FNDC3B: variants seen among roughly 807,000 people sequenced by gnomAD.
FNDC3B encodes fibronectin type III domain containing 3B, also known as fibronectin type III domain-containing protein 3B.
In FNDC3B, 12 loss-of-function variants were observed where a neutral mutation model predicts 151.5. That is an observed-to-expected ratio of 0.08 (90% CI 0.05 to 0.13). The LOEUF is 0.13. FNDC3B is among the 10% of genes least tolerant of loss of function. The probability of loss-of-function intolerance (pLI) is 1.00; values close to 1 mark genes in which losing one functional copy is unlikely to be tolerated. For missense variants in FNDC3B, 1,214 were observed against 1,505.3 expected (o/e 0.81, Z 3.20); for synonymous variants, 528 against 549.0 (o/e 0.96, Z 0.54).
rs961974987 is a variant in FNDC3B at position 172,231,917 on chromosome 3, G to A, written c.264+4970G>A. Among the ~76,000 whole-genome samples, 24 of 122,028 alleles carry A rather than the reference G, an allele frequency of 2.0e-4. 1 individual carries two copies. The highest frequency in any genetic ancestry group is 7.5e-4 in the African/African-American group (24 of 31,830). 80.1% of individuals were successfully genotyped at this position (122,028 alleles called of 152,430 possible). On this transcript the variant is annotated intron_variant, in intron 4 of 25. Coordinates refer to ENST00000415807, the MANE Select transcript of FNDC3B (RefSeq NM_022763.4). ...TTTTTTTGAGATGGAGTCTTGCTCTGACGCCCAGGCTGGTGTGCAGTGGCA... is the reference window on the plus strand; with the variant it reads ...TTTTTTTGAGATGGAGTCTTGCTCTAACGCCCAGGCTGGTGTGCAGTGGCA...
At chr3:172,186,876 A>T (rs1024937230) in intron 3 of FNDC3B, 5 of 583,138 alleles carry the variant, frequency 8.6e-6, no homozygotes, top group African/African-American at 1.9e-5. Context: ...AGTGGCCCAC[A>T]GTCAGTTCTG....
chr3:172,292,785 C>T (rs763791262), intron 7 of FNDC3B, among the ~76,000 whole-genome samples: 12 of 152,084 alleles, frequency 7.9e-5, no homozygotes, highest in Non-Finnish European at 1.5e-4. Context: ...TACCCAATAC[C>T]TCAGGATTAC....
At chr3:172,201,420 G>A (rs1381492458) in intron 3 of FNDC3B, among the ~76,000 whole-genome samples, 3 of 152,072 alleles carry the variant, frequency 2.0e-5, no homozygotes, top group South Asian at 2.1e-4. Context: ...TGGGATATGC[G>A]TGCGTACGTG....
chr3:172,313,308 A>G (rs1461446772), intron 11 of FNDC3B, among the ~76,000 whole-genome samples: 2 of 152,200 alleles, frequency 1.3e-5, no homozygotes, highest in African/African-American at 4.8e-5. Flanking sequence ...TTGAAGGAAC[A>G]CCAAGATTAG....
At chr3:172,235,826 G>C (rs75151797) in intron 4 of FNDC3B, among the ~76,000 whole-genome samples, 19,296 of 152,222 alleles carry the variant, frequency 0.13, 1,279 homozygotes, top group Middle Eastern at 0.21. Flanking sequence ...TGCCTGTTGG[G>C]TTAAGTCTGG....
At chr3:172,171,485 C>G (rs1016593540) in intron 3 of FNDC3B, among the ~76,000 whole-genome samples, 20 of 151,982 alleles carry the variant, frequency 1.3e-4, no homozygotes, top group African/African-American at 4.6e-4. Context: ...TTAAAACTCT[C>G]TTTGCACACT....
chr3:172,379,441 G>C (rs1735320705), intron 24 of FNDC3B, among the ~76,000 whole-genome samples: 1 of 152,258 alleles, frequency 6.6e-6, no homozygotes, highest in Non-Finnish European at 1.5e-5. Flanking sequence ...TCAATTATAG[G>C]AACTTTCCAG....
rs953684281 is a variant in FNDC3B, at chr3:172,397,512, A to G, written c.*37A>G. 1.5e-6 allele frequency: 2 copies of G among 1,296,358 alleles called. No homozygotes were observed. The highest frequency in any genetic ancestry group is 2.1e-6 in the Non-Finnish European group (2 of 937,332). 80.3% of individuals were successfully genotyped at this position (1,296,358 alleles called of 1,614,324 possible). A position where few individuals can be genotyped will look rare whatever the true frequency, so the allele number is the denominator to read the frequency against. On this transcript the variant is annotated 3_prime_UTR_variant, in exon 26 of 26. Coordinates refer to ENST00000415807, the MANE Select transcript of FNDC3B (RefSeq NM_022763.4). ...CTAGAGGTATGAATTAATGCTACAC[A>G]TTTTAATACACACATTTATTCAGAT...
At position 172,344,307 on chromosome 3, in the gene FNDC3B, A is replaced by G. The variant is rs1376438714; in HGVS notation, c.2250+49A>G. ...AACCAGAATCAGAATGCATAATCAG[A>G]ACCCAAAGTGCTAGCACTTCTGTCT... On this transcript the variant is annotated intron_variant, in intron 19 of 25. Transcript: ENST00000415807. 3.3e-6 allele frequency: 5 copies of G among 1,530,280 alleles called. No homozygotes were observed. The African/African-American group carries it at 6.9e-5, about 21-fold the overall frequency. The allele number at this position is 1,530,280 out of a possible 1,614,324, so 94.8% of individuals were successfully genotyped here. A position where few individuals can be genotyped will look rare whatever the true frequency, so the allele number is the denominator to read the frequency against.
chr3:172,383,101 G>C (rs1330564815), intron 25 of FNDC3B, among the ~76,000 whole-genome samples: 2 of 152,184 alleles, frequency 1.3e-5, no homozygotes, highest in Non-Finnish European at 2.9e-5. Flanking sequence ...CTATCCACGA[G>C]CATGGAATGT....
At chr3:172,084,887 C>T (rs1245126528) in intron 1 of FNDC3B, among the ~76,000 whole-genome samples, 1 of 152,114 alleles carries the variant, frequency 6.6e-6, no homozygotes, top group Non-Finnish European at 1.5e-5. Flanking sequence ...TTCATTGTTT[C>T]TTTCCCCTTA....
At chr3:172,088,070 T>C (rs1453086349) in intron 1 of FNDC3B, among the ~76,000 whole-genome samples, 1 of 152,186 alleles carries the variant, frequency 6.6e-6, no homozygotes, top group Non-Finnish European at 1.5e-5. Context: ...TGCCACATCT[T>C]GTTCCTGGAA....
chr3:172,146,181 G>C (rs1721901223), intron 3 of FNDC3B, among the ~76,000 whole-genome samples: 1 of 152,178 alleles, frequency 6.6e-6, no homozygotes, highest in Admixed American at 6.5e-5. Context: ...CCATGAGTTA[G>C]AAATCAAGAT....
At chr3:172,207,551 G>C (rs1725493802) in intron 3 of FNDC3B, among the ~76,000 whole-genome samples, 1 of 152,144 alleles carries the variant, frequency 6.6e-6, no homozygotes, top group Non-Finnish European at 1.5e-5. Flanking sequence ...TTTTATTGAG[G>C]TTTACCTGGG....
Position 172,399,905 on chromosome 3 carries a change from A to G in FNDC3B, c.*2430A>G, listed in dbSNP as rs747659289. ...AATATTTGATCTTCTTGAGATTTTC[A>G]TACTATCATTTAACCACCAGGAAGC... On this transcript the variant is annotated 3_prime_UTR_variant, in exon 26 of 26. Coordinates refer to ENST00000415807, the MANE Select transcript of FNDC3B (RefSeq NM_022763.4). 2 of 152,604 alleles carry G rather than the reference A, an allele frequency of 1.3e-5. No individual in the cohort carries two copies. Among genetic ancestry groups the G allele is most frequent in the African/African-American group, 2.4e-5 (1 of 41,438 alleles). 9.5% of individuals were successfully genotyped at this position (152,604 alleles called of 1,614,324 possible).
chr3:172,179,829 G>A (rs1373705531), intron 3 of FNDC3B, among the ~76,000 whole-genome samples: 7 of 127,742 alleles, frequency 5.5e-5, no homozygotes, highest in African/African-American at 2.2e-4. Context: ...CTGCACTCCA[G>A]CCCAGGCAAC....
At chr3:172,383,507 G>A (rs140330885) in intron 25 of FNDC3B, among the ~76,000 whole-genome samples, 172 of 152,298 alleles carry the variant, frequency 1.1e-3, no homozygotes, top group Middle Eastern at 3.4e-3. Context: ...GGCCCTGGAG[G>A]CCTGTGATTC....
chr3:172,077,919 A>G (rs762626735), intron 1 of FNDC3B, among the ~76,000 whole-genome samples: 7 of 152,204 alleles, frequency 4.6e-5, no homozygotes, highest in African/African-American at 1.2e-4. Flanking sequence ...TTTAATTATT[A>G]TAACTTTAGG....
At chr3:172,232,504 A>G (rs1033820041) in intron 4 of FNDC3B, among the ~76,000 whole-genome samples, 2 of 152,172 alleles carry the variant, frequency 1.3e-5, no homozygotes, top group Non-Finnish European at 2.9e-5. Context: ...TTAGGGTGCA[A>G]AAACAGTGGA....
Sources: allele counts gnomAD v4.1 joint callset (sites outside exome capture counted in the v4.1 genomes callset), GRCh38; gene constraint gnomAD v4.1.1; transcripts MANE v1.5; gene names NCBI Gene and HGNC (gene_info 2026-07-23, HGNC 2026-07-21).